PRKAA2: variants seen among roughly 807,000 people sequenced by gnomAD.
The protein encoded by PRKAA2 is 5'-AMP-activated protein kinase catalytic subunit alpha-2.
Under a neutral mutation model 56.3 loss-of-function variants are expected in PRKAA2, and 40 were observed. The observed-to-expected ratio is 0.71, with a 90% CI of 0.55 to 0.92. PRKAA2 has a LOEUF of 0.92. Ranked by LOEUF, PRKAA2 falls within the 40% of genes least tolerant of loss-of-function variation. The pLI, the probability that PRKAA2 is intolerant of heterozygous loss-of-function variation, is 0.00. For missense variants in PRKAA2, 542 were observed against 686.9 expected, an observed-to-expected ratio of 0.79 and a Z score of 2.36; for synonymous variants, 214 against 234.2, an observed-to-expected ratio of 0.91 and a Z score of 0.79.
At position 56,686,995 on chromosome 1, in the gene PRKAA2, G is replaced by A. The variant is rs143160865; in HGVS notation, c.237-4399G>A. Among the ~76,000 whole-genome samples, 145 of 150,684 alleles carry A rather than the reference G, an allele frequency of 9.6e-4. No homozygotes were observed. The East Asian group carries it at 0.023, about 24-fold the overall frequency. On this transcript the variant is annotated intron_variant, in intron 2 of 8. Coordinates refer to ENST00000371244, the MANE Select transcript of PRKAA2 (RefSeq NM_006252.4). ...CACCTCCCAGGTTCAAGCGATTCTC[G>A]TACCTCAGTCTCCCTAGTAGCTGGG...
chr1:56,696,030 C>G lies in PRKAA2; in HGVS notation c.659C>G (p.Pro220Arg). ...CTCCCATTTGATGATGAGCATGTAC[C>G]TACGTTATTTAAGAAGATCCGAGGG... ...GTLPFDDEHV[P>R]TLFKKIRGGV... Residue 220 changes from proline (P) to arginine (R), a missense_variant, in exon 6 of 9, where the codon CCT becomes CGT. Pro to Arg is a moderately radical substitution (Grantham distance 103, BLOSUM62 -2). Transcript: ENST00000371244. The G allele has an allele frequency of 1.2e-6, 2 of 1,612,150 alleles. No homozygotes were observed. Among genetic ancestry groups the G allele is most frequent in the Non-Finnish European group, 1.7e-6 (2 of 1,179,674 alleles).
intron 1 of PRKAA2, among the ~76,000 whole-genome samples, chr1:56,665,240 G>C (rs764050925): frequency 6.6e-6 from 1 of 151,840 alleles, no homozygotes; most frequent in Non-Finnish European, 1.5e-5. Context: ...CACCCAGCTA[G>C]TTTTTGTATT....
In PRKAA2 at chr1:56,706,085, A is replaced by G. The variant is rs765403334; in HGVS notation, c.1294-7A>G. The G allele has an allele frequency of 9.4e-6, 15 of 1,590,464 alleles. No homozygotes were observed. Among genetic ancestry groups the G allele is most frequent in the Non-Finnish European group, 1.1e-5 (13 of 1,169,312 alleles). Reference sequence around the variant, plus strand: ...AGTTTATTATTTTTATTGATTTTTCACTTTAGGTAGTGAATGCATACCATC... The same window carrying G: ...AGTTTATTATTTTTATTGATTTTTCGCTTTAGGTAGTGAATGCATACCATC... On this transcript the variant is annotated splice_polypyrimidine_tract_variant and splice_region_variant and intron_variant, in intron 7 of 8. Coordinates refer to ENST00000371244, the MANE Select transcript of PRKAA2 (RefSeq NM_006252.4).
chr1:56,655,280 A>ATATATATATATTTTTTTTTTTT, intron 1 of PRKAA2, among the ~76,000 whole-genome samples: 12 of 93,646 alleles, frequency 1.3e-4, no homozygotes, highest in South Asian at 5.3e-4. Flanking sequence ...ATATATATAT[A>ATATATATATATTTTTTTTTTTT]TTTTTTTTTT....
chr1:56,683,098 T>C (rs1644166974), intron 2 of PRKAA2, among the ~76,000 whole-genome samples: 1 of 91,560 alleles, frequency 1.1e-5, no homozygotes, highest in South Asian at 3.3e-4. Context: ...TTTTTTTTTT[T>C]TTTTGCTTAA....
rs922005067 is a variant in PRKAA2, at chr1:56,712,886, C to T, written c.*5173C>T. ...AAAAAAGGAAAAAGAAAACTAGCCC[C>T]AGTCCCTGTCTAAATTGTTATAGTT... On this transcript the variant is annotated 3_prime_UTR_variant, in exon 9 of 9. Transcript: ENST00000371244. 2.0e-5 allele frequency: 3 copies of T among 151,902 alleles called. No homozygotes were observed. The highest frequency in any genetic ancestry group is 7.3e-5 in the African/African-American group (3 of 41,378). 9.4% of individuals were successfully genotyped at this position (151,902 alleles called of 1,614,324 possible). A position where few individuals can be genotyped will look rare whatever the true frequency, so the allele number is the denominator to read the frequency against.
chr1:56,710,054 G>A lies in PRKAA2; in HGVS notation c.*2341G>A, dbSNP rs528980068. ...TAGAGCTGGAACATTGTTACAGCAG[G>A]CTTTTTGTTGCTCATGGGCAGATAG... On this transcript the variant is annotated 3_prime_UTR_variant, in exon 9 of 9. Transcript: ENST00000371244. The A allele has an allele frequency of 7.1e-4, 108 of 152,164 alleles. No individual in the cohort carries two copies. Among genetic ancestry groups the A allele is most frequent in the African/African-American group, 2.5e-3 (105 of 41,522 alleles). The allele number at this position is 152,164 out of a possible 1,614,324, so 9.4% of individuals were successfully genotyped here. A position where few individuals can be genotyped will look rare whatever the true frequency, so the allele number is the denominator to read the frequency against.
chr1:56,692,130 C>CAAG (rs771738595), intron 3 of PRKAA2, among the ~76,000 whole-genome samples: 26 of 148,516 alleles, frequency 1.8e-4, no homozygotes, highest in Admixed American at 8.9e-4. Context: ...CCTCCTGGTA[C>CAAG]AAGCAATTCT....
rs1644099704 is a variant in PRKAA2, at chr1:56,674,521, CTG to C, written c.236+1_236+2del. The C allele has an allele frequency of 6.7e-7, 1 of 1,503,694 alleles. No individual in the cohort carries two copies. The allele number at this position is 1,503,694 out of a possible 1,614,324, so 93.1% of individuals were successfully genotyped here. On this transcript the variant is annotated splice_donor_variant and coding_sequence_variant, in exon 2 of 9. Coordinates refer to ENST00000371244, the MANE Select transcript of PRKAA2 (RefSeq NM_006252.4). LOFTEE classifies it high-confidence loss of function. ...CTTTCGTCATCCTCATATTATCAAA[CTG>C]TAAGTATTTTTGTATCTAATAATAC...
At chr1:56,672,032 A>T (rs938558288) in intron 1 of PRKAA2, among the ~76,000 whole-genome samples, 1 of 152,226 alleles carries the variant, frequency 6.6e-6, no homozygotes, top group East Asian at 1.9e-4. Flanking sequence ...CATTTGTAGC[A>T]TATATGCTAT....
chr1:56,712,031 A>C lies in PRKAA2; in HGVS notation c.*4318A>C, dbSNP rs1316240730. 6.6e-6 allele frequency: 1 copy of C among 152,162 alleles called. No individual in the cohort carries two copies. The highest frequency in any genetic ancestry group is 2.4e-5 in the African/African-American group (1 of 41,444). 9.4% of individuals were successfully genotyped at this position (152,162 alleles called of 1,614,324 possible). On this transcript the variant is annotated 3_prime_UTR_variant, in exon 9 of 9. Transcript: ENST00000371244. ...ATTTGGCATGAAGCAAAGCATTACA[A>C]ATTTGGAGTGATGAAAGTGTTCCAT...
At chr1:56,689,330 T>C (rs895292631) in intron 2 of PRKAA2, among the ~76,000 whole-genome samples, 1 of 152,222 alleles carries the variant, frequency 6.6e-6, no homozygotes, top group Non-Finnish European at 1.5e-5. Flanking sequence ...TCATTTGAAA[T>C]AGTCTCAATT....
intron 6 of PRKAA2, among the ~76,000 whole-genome samples, chr1:56,702,473 A>C (rs2100435519): frequency 6.6e-6 from 1 of 152,346 alleles, no homozygotes. Flanking sequence ...GTCTCTTTAA[A>C]ATCCTTCAAT....
chr1:56,668,637 T>G lies in PRKAA2; in HGVS notation c.95-5744T>G, dbSNP rs569949255. On this transcript the variant is annotated intron_variant, in intron 1 of 8. Coordinates refer to ENST00000371244, the MANE Select transcript of PRKAA2 (RefSeq NM_006252.4). ...CAAATAATTATTTTTTAATTGTTCC[T>G]TTTGTTTTATTAGATATGATAATAT... 2.1e-4 allele frequency among the ~76,000 whole-genome samples: 32 copies of G among 152,236 alleles called. 1 individual carries two copies. The East Asian group carries it at 6.0e-3, about 28-fold the overall frequency.
At chr1:56,688,956 G>A (rs1347711819) in intron 2 of PRKAA2, among the ~76,000 whole-genome samples, 2 of 152,146 alleles carry the variant, frequency 1.3e-5, no homozygotes, top group Non-Finnish European at 2.9e-5. Context: ...GCTTAGTAAC[G>A]TTATGATTTT....
intron 1 of PRKAA2, among the ~76,000 whole-genome samples, chr1:56,673,353 A>G (rs962799772): frequency 2.0e-5 from 3 of 152,128 alleles, no homozygotes; most frequent in African/African-American, 7.2e-5. Context: ...CAGCCTGGAT[A>G]ACAAAACAAT....
intron 1 of PRKAA2, among the ~76,000 whole-genome samples, chr1:56,651,064 A>C (rs2100378154): frequency 1.3e-5 from 2 of 152,296 alleles, no homozygotes; most frequent in South Asian, 4.1e-4. Flanking sequence ...AGCCCTGAAC[A>C]ATTTAACTCC....
intron 6 of PRKAA2, among the ~76,000 whole-genome samples, chr1:56,702,408 T>C (rs1292299743): frequency 1.3e-5 from 2 of 152,248 alleles, no homozygotes; most frequent in Non-Finnish European, 2.9e-5. Flanking sequence ...CAATTCATTT[T>C]CTATACCACA....
Position 56,696,086 on chromosome 1 carries a change from C to T in PRKAA2, c.715C>T (p.Arg239Cys), listed in dbSNP as rs141766544. The change falls in exon 6 of 9, where the codon CGT becomes TGT. Residue 239 changes from arginine to cysteine, a missense_variant. Physicochemically the swap from Arg to Cys is radical, Grantham distance 180. Coordinates refer to ENST00000371244, the MANE Select transcript of PRKAA2 (RefSeq NM_006252.4). ...GVFYIPEYLN[R>C]SVATLLMHML... ...CTTTTATATCCCAGAATATCTCAAT[C>T]GTTCTGTCGCCACTCTCCTGATGCA... 2.1e-5 allele frequency: 34 copies of T among 1,613,292 alleles called. No homozygotes were observed. Among genetic ancestry groups the T allele is most frequent in the Admixed American group, 3.3e-5 (2 of 59,890 alleles).
Sources: allele counts gnomAD v4.1 joint callset (sites outside exome capture counted in the v4.1 genomes callset), GRCh38; gene constraint gnomAD v4.1.1; transcripts MANE v1.5; gene names NCBI Gene and HGNC (gene_info 2026-07-23, HGNC 2026-07-21).